Variants in GALNT13 observed in about 807,000 individuals in gnomAD.
GALNT13 encodes polypeptide N-acetylgalactosaminyltransferase 13, also known as UDP-GalNAc:polypeptide N-acetylgalactosaminyltransferase 13.
In GALNT13, 28 loss-of-function variants were observed where a neutral mutation model predicts 64.2. The observed-to-expected ratio is 0.44, with a 90% CI of 0.32 to 0.60. The LOEUF (loss-of-function observed/expected upper bound fraction) is 0.60, where lower values mean the gene tolerates loss of function less well. GALNT13 is among the 20% of genes least tolerant of loss of function. The pLI is 0.05. For synonymous variants in GALNT13, 214 were observed against 224.6 expected, an observed-to-expected ratio of 0.95 and a Z score of 0.42; for missense variants, 577 against 669.8, an observed-to-expected ratio of 0.86 and a Z score of 1.53.
At chr2:154,195,870 GC>G (rs1323910281) in intron 4 of GALNT13, among the ~76,000 whole-genome samples, 1 of 152,102 alleles carries the variant, frequency 6.6e-6, no homozygotes, top group African/African-American at 2.4e-5. Context: ...CCCAACCCCT[GC>G]TCATGGTACC....
At chr2:153,843,812 A>G in the GALNT13 span, among the ~76,000 whole-genome samples, 1 of 152,190 alleles carries the variant, frequency 6.6e-6, no homozygotes, top group Non-Finnish European at 1.5e-5. Flanking sequence ...GCCCCATGCA[A>G]GTTTTATGGC....
chr2:153,222,167 C>T, the GALNT13 span, among the ~76,000 whole-genome samples: 1 of 152,040 alleles, frequency 6.6e-6, no homozygotes, highest in Non-Finnish European at 1.5e-5. Context: ...GACAGAACAG[C>T]TCTCAGGAGG....
chr2:153,659,335 T>G, the GALNT13 span, among the ~76,000 whole-genome samples: 1 of 152,120 alleles, frequency 6.6e-6, no homozygotes, highest in African/African-American at 2.4e-5. Context: ...AGATTTCACT[T>G]CATTTCAACC....
At chr2:153,688,319 G>GCTCCC in the GALNT13 span, among the ~76,000 whole-genome samples, 2 of 151,926 alleles carry the variant, frequency 1.3e-5, no homozygotes, top group African/African-American at 4.8e-5. Flanking sequence ...TCTTTTGGGA[G>GCTCCC]AAAACTTTCA....
the GALNT13 span, among the ~76,000 whole-genome samples, chr2:153,507,417 A>G: frequency 6.6e-6 from 1 of 152,030 alleles, no homozygotes; most frequent in Non-Finnish European, 1.5e-5. Context: ...AGTAGCTAGG[A>G]CTACAGGCCC....
At chr2:153,880,881 T>C (rs529449891) in intron 1 of GALNT13, among the ~76,000 whole-genome samples, 13 of 152,284 alleles carry the variant, frequency 8.5e-5, no homozygotes, top group African/African-American at 2.2e-4. Context: ...TTGCTTTAAA[T>C]TGTCTCTCTT....
At chr2:153,669,132 G>A in the GALNT13 span, among the ~76,000 whole-genome samples, 1 of 152,270 alleles carries the variant, frequency 6.6e-6, no homozygotes, top group Non-Finnish European at 1.5e-5. Context: ...GGCCATGCCT[G>A]ACCGTCAGAG....
chr2:154,231,976 A>G (rs1054757215), intron 4 of GALNT13, among the ~76,000 whole-genome samples: 6 of 151,528 alleles, frequency 4.0e-5, no homozygotes, highest in African/African-American at 9.7e-5. Flanking sequence ...TTGTCTCACA[A>G]CTCTGTGAGG....
the GALNT13 span, among the ~76,000 whole-genome samples, chr2:153,785,792 T>G: frequency 6.6e-6 from 1 of 152,010 alleles, no homozygotes; most frequent in Non-Finnish European, 1.5e-5. Flanking sequence ...GAGCTCCCAG[T>G]GTGGGCGTGG....
At chr2:153,483,410 C>CTAT in the GALNT13 span, among the ~76,000 whole-genome samples, 4 of 71,776 alleles carry the variant, frequency 5.6e-5, no homozygotes, top group Non-Finnish European at 1.1e-4. Context: ...GAATAAAATT[C>CTAT]TTTTTTTTTT....
chr2:154,301,362 T>G (rs761277308), intron 8 of GALNT13, 47 bp from the exon 9 acceptor site: 1 of 1,482,890 alleles, frequency 6.7e-7, no homozygotes, highest in Non-Finnish European at 9.3e-7. Flanking sequence ...TTGCTTCATC[T>G]CATACAATAT....
chr2:153,719,285 C>T, the GALNT13 span, among the ~76,000 whole-genome samples: 1 of 152,144 alleles, frequency 6.6e-6, no homozygotes, highest in Non-Finnish European at 1.5e-5. Context: ...CTTAACTTAT[C>T]TATAGTCCCC....
chr2:153,303,232 A>G, the GALNT13 span, among the ~76,000 whole-genome samples: 9 of 151,694 alleles, frequency 5.9e-5, no homozygotes, highest in Non-Finnish European at 1.2e-4. Flanking sequence ...AGTGTTTTAT[A>G]TTTTTTAGTG....
At chr2:153,769,221 A>G in the GALNT13 span, among the ~76,000 whole-genome samples, 1 of 152,166 alleles carries the variant, frequency 6.6e-6, no homozygotes, top group East Asian at 1.9e-4. Flanking sequence ...TTATTTTATG[A>G]TGGTGAATAC....
intron 9 of GALNT13, among the ~76,000 whole-genome samples, chr2:154,373,192 G>A (rs1167638760): frequency 1.3e-5 from 2 of 152,052 alleles, no homozygotes; most frequent in African/African-American, 4.8e-5. Flanking sequence ...ATTTATTCCA[G>A]ATGCTAAGAT....
At chr2:153,236,066 T>A in the GALNT13 span, among the ~76,000 whole-genome samples, 1 of 152,060 alleles carries the variant, frequency 6.6e-6, no homozygotes, top group South Asian at 2.1e-4. Context: ...GGACTGAAGA[T>A]CAAACCAGCC....
At chr2:154,116,234 C>G (rs1225382587) in intron 3 of GALNT13, among the ~76,000 whole-genome samples, 3 of 152,152 alleles carry the variant, frequency 2.0e-5, no homozygotes, top group African/African-American at 7.2e-5. Flanking sequence ...AGTCAGCGTT[C>G]CCAGCTTCAT....
At chr2:153,329,750 T>G in the GALNT13 span, among the ~76,000 whole-genome samples, 93,966 of 152,082 alleles carry the variant, frequency 0.62, 30,100 homozygotes, top group Non-Finnish European at 0.69. Context: ...GTTGATAGTT[T>G]ATATTGCTGT....
At chr2:154,050,000 TATTA>T (rs1699497119) in intron 3 of GALNT13, among the ~76,000 whole-genome samples, 2 of 152,138 alleles carry the variant, frequency 1.3e-5, no homozygotes, top group African/African-American at 4.8e-5. Context: ...TTTATTATAT[TATTA>T]ATTGGGTGAA....
Sources: allele counts gnomAD v4.1 joint callset (sites outside exome capture counted in the v4.1 genomes callset), GRCh38; gene constraint gnomAD v4.1.1; transcripts MANE v1.5; gene names NCBI Gene and HGNC (gene_info 2026-07-23, HGNC 2026-07-21).